The following NRG1 variants were observed in gnomAD, a reference collection of about 807,000 sequenced individuals.
NRG1 encodes the protein pro-neuregulin-1, membrane-bound isoform.
In NRG1, 18 loss-of-function variants were observed where a neutral mutation model predicts 63.8. The observed-to-expected ratio is 0.28, with a 90% confidence interval of 0.19 to 0.42. The LOEUF (loss-of-function observed/expected upper bound fraction) is 0.42. Ranked by LOEUF, NRG1 falls within the 10% of genes least tolerant of loss-of-function variation. NRG1 has a pLI of 1.00. For missense variants in NRG1, 762 were observed against 814.7 expected (o/e 0.94, Z 0.79); for synonymous variants, 302 against 301.3 (o/e 1.00, Z -0.02).
Position 32,193,915 on chromosome 8 carries a change from G to A in NRG1, c.38-401913G>A, listed in dbSNP as rs114988009. On this transcript the variant is annotated intron_variant, in intron 1 of 10. Transcript: ENST00000519301. The stretch of plus-strand genomic sequence containing the variant: ...CTACTGCAAGTTAGCAGGAAGGCCT[G>A]GGACAGGCCCTTCTCTAGCACCTGC... Among the ~76,000 whole-genome samples the A allele has an allele frequency of 5.0e-3, 766 of 152,338 alleles. 7 individuals carry two copies. Among genetic ancestry groups the A allele is most frequent in the African/African-American group, 0.017 (721 of 41,584 alleles).
At chr8:31,844,090 A>T (rs1189667282) in intron 1 of NRG1, among the ~76,000 whole-genome samples, 3 of 152,244 alleles carry the variant, frequency 2.0e-5, no homozygotes, top group Admixed American at 1.3e-4. Flanking sequence ...ACTTAGGCAC[A>T]AAGAGATTAA....
chr8:32,249,240 T>C (rs903752923), intron 1 of NRG1, among the ~76,000 whole-genome samples: 2 of 152,046 alleles, frequency 1.3e-5, no homozygotes, highest in African/African-American at 4.8e-5. Context: ...GTAGCTGAAA[T>C]TGTAGGTGCA....
chr8:31,672,559 G>A (rs776838245), intron 1 of NRG1, among the ~76,000 whole-genome samples: 6 of 151,852 alleles, frequency 4.0e-5, no homozygotes, highest in Non-Finnish European at 7.4e-5. Context: ...AATTGAGGTT[G>A]TGTTTAAAAA....
At chr8:32,306,315 T>C (rs1856179256) in intron 1 of NRG1, among the ~76,000 whole-genome samples, 1 of 152,206 alleles carries the variant, frequency 6.6e-6, no homozygotes, top group East Asian at 1.9e-4. Context: ...CAACCCTGGG[T>C]AAATCTCCTT....
chr8:32,293,275 A>G (rs770324163), intron 1 of NRG1, among the ~76,000 whole-genome samples: 1 of 152,206 alleles, frequency 6.6e-6, no homozygotes, highest in Non-Finnish European at 1.5e-5. Flanking sequence ...ATGCAATCAC[A>G]TGGGTTCTTC....
intron 1 of NRG1, among the ~76,000 whole-genome samples, chr8:31,797,554 G>C (rs1331228789): frequency 6.6e-6 from 1 of 152,184 alleles, no homozygotes; most frequent in Non-Finnish European, 1.5e-5. Context: ...TAGTAGAGAG[G>C]CTTCTCAAAA....
At chr8:31,990,605 T>G (rs1034339274) in intron 1 of NRG1, among the ~76,000 whole-genome samples, 3 of 152,102 alleles carry the variant, frequency 2.0e-5, no homozygotes. Flanking sequence ...TTGTTTTCTT[T>G]ATTTGACATA....
intron 1 of NRG1, among the ~76,000 whole-genome samples, chr8:32,374,764 TG>T (rs1040553693): frequency 4.6e-5 from 7 of 152,124 alleles, no homozygotes; most frequent in Non-Finnish European, 2.9e-5. Context: ...GTTAAGGCAT[TG>T]TTTTTTTATC....
intron 1 of NRG1, among the ~76,000 whole-genome samples, chr8:32,329,946 T>C (rs1053883143): frequency 1.0e-4 from 15 of 147,108 alleles, no homozygotes; most frequent in African/African-American, 3.5e-4. Context: ...TGATCACAGC[T>C]CATTGCAGCC....
At chr8:32,009,052 T>C (rs1305477123) in intron 1 of NRG1, among the ~76,000 whole-genome samples, 1 of 152,104 alleles carries the variant, frequency 6.6e-6, no homozygotes, top group Non-Finnish European at 1.5e-5. Flanking sequence ...GGTCTAAATA[T>C]GGTGACCTTA....
chr8:32,764,207 A>G, exon 12 of NRG1: 2 of 1,614,134 alleles, frequency 1.2e-6, no homozygotes, highest in African/African-American at 1.3e-5. Flanking sequence ...CAGAGAGTGA[A>G]ACAGAAGATG....
At chr8:32,435,254 G>A (rs1289246345) in intron 1 of NRG1, among the ~76,000 whole-genome samples, 1 of 152,144 alleles carries the variant, frequency 6.6e-6, no homozygotes, top group African/African-American at 2.4e-5. Context: ...CCATTGGTTT[G>A]CCTATTGGTT....
intron 1 of NRG1, among the ~76,000 whole-genome samples, chr8:31,741,162 A>G (rs1815231177): frequency 1.3e-5 from 2 of 152,038 alleles, no homozygotes; most frequent in African/African-American, 2.4e-5. Flanking sequence ...GTGGGAGCCA[A>G]ACACTGGCTA....
intron 1 of NRG1, among the ~76,000 whole-genome samples, chr8:32,498,370 G>A (rs1433173187): frequency 6.6e-6 from 1 of 152,280 alleles, no homozygotes; most frequent in East Asian, 1.9e-4. Flanking sequence ...AATGAAAAAG[G>A]TTTGACTCAC....
intron 1 of NRG1, among the ~76,000 whole-genome samples, chr8:32,251,217 C>G (rs1563231908): frequency 6.6e-6 from 1 of 152,042 alleles, no homozygotes; most frequent in Non-Finnish European, 1.5e-5. Flanking sequence ...CTCCCCCCAC[C>G]CCACAACAGG....
chr8:31,732,654 G>GT (rs1814212115), intron 1 of NRG1, among the ~76,000 whole-genome samples: 1 of 152,156 alleles, frequency 6.6e-6, no homozygotes, highest in Admixed American at 6.5e-5. Context: ...ACTTTGGGAA[G>GT]TTGAGGCAGG....
chr8:32,044,696 A>G (rs974279609), intron 1 of NRG1, among the ~76,000 whole-genome samples: 1 of 151,212 alleles, frequency 6.6e-6, no homozygotes, highest in Non-Finnish European at 1.5e-5. Context: ...ATTCAACAAT[A>G]CACTTCTAAA....
At chr8:31,919,683 A>G (rs1833735747) in intron 1 of NRG1, among the ~76,000 whole-genome samples, 1 of 152,090 alleles carries the variant, frequency 6.6e-6, no homozygotes, top group Non-Finnish European at 1.5e-5. Flanking sequence ...TGAAGAACAC[A>G]TTGAACATTT....
At chr8:32,332,400 G>T (rs1802759240) in intron 1 of NRG1, among the ~76,000 whole-genome samples, 1 of 152,084 alleles carries the variant, frequency 6.6e-6, no homozygotes, top group African/African-American at 2.4e-5. Context: ...TCTGCTCTGG[G>T]AAGTTTCCCT....
Sources: allele counts gnomAD v4.1 joint callset (sites outside exome capture counted in the v4.1 genomes callset), GRCh38; gene constraint gnomAD v4.1.1; transcripts MANE v1.5; gene names NCBI Gene and HGNC (gene_info 2026-07-23, HGNC 2026-07-21).